The following DPYD variants were observed in gnomAD, a reference collection of about 807,000 sequenced individuals.
The protein encoded by DPYD is dihydropyrimidine dehydrogenase [NADP(+)].
A neutral mutation model predicts 116.2 loss-of-function variants in DPYD; 109 were observed. The ratio of observed to expected loss-of-function variants is 0.94; its 90% CI spans 0.80 to 1.10. The LOEUF is 1.10. Among genes scored for constraint, DPYD ranks in the 50% least tolerant of loss-of-function variants. DPYD has a pLI of 0.00. For synonymous variants in DPYD, 440 were observed against 432.0 expected (o/e 1.02, Z -0.23); for missense variants, 1,302 against 1,254.5 (o/e 1.04, Z -0.57).
At chr1:97,255,338 G>T (rs1454650630) in intron 18 of DPYD, among the ~76,000 whole-genome samples, 1 of 152,148 alleles carries the variant, frequency 6.6e-6, no homozygotes, top group Non-Finnish European at 1.5e-5. Flanking sequence ...GGGTGATATG[G>T]TTTAGCTGTG....
At position 97,078,830 on chromosome 1, in the gene DPYD, C is replaced by A; in HGVS notation, c.*146G>T. On this transcript the variant is annotated 3_prime_UTR_variant, in exon 23 of 23. Coordinates refer to ENST00000370192, the MANE Select transcript of DPYD (RefSeq NM_000110.4). ...TGACATGAGACATTTTTTACACTTA[C>A]AAATGTATTTTGAAATTACATATTT... The A allele has an allele frequency of 3.1e-6, 3 of 953,850 alleles. No homozygotes were observed. The highest frequency in any genetic ancestry group is 4.8e-6 in the Non-Finnish European group (3 of 623,466). The allele number at this position is 953,850 out of a possible 1,614,324, so 59.1% of individuals were successfully genotyped here.
At chr1:97,621,187 G>C (rs1017573999) in intron 8 of DPYD, among the ~76,000 whole-genome samples, 2 of 152,058 alleles carry the variant, frequency 1.3e-5, no homozygotes, top group African/African-American at 4.8e-5. Context: ...ACAGAAACAT[G>C]CTAAGTATCT....
At chr1:97,817,520 G>C (rs1668690057) in intron 3 of DPYD, among the ~76,000 whole-genome samples, 1 of 151,824 alleles carries the variant, frequency 6.6e-6, no homozygotes, top group Non-Finnish European at 1.5e-5. Flanking sequence ...AAAAAACATA[G>C]GGCCAGCTAT....
intron 5 of DPYD, among the ~76,000 whole-genome samples, chr1:97,718,849 A>C (rs1662763227): frequency 6.6e-6 from 1 of 151,880 alleles, no homozygotes; most frequent in African/African-American, 2.4e-5. Flanking sequence ...AAATTCCAAT[A>C]AATACACAAA....
chr1:97,546,588 TC>T (rs777770052), intron 12 of DPYD: 38 of 1,607,612 alleles, frequency 2.4e-5, no homozygotes, highest in Non-Finnish European at 3.1e-5. Context: ...AAATAACACA[TC>T]CTGTGTATAG....
In DPYD at chr1:97,206,687, T is replaced by TATATATATATATATATAA. The variant is rs539927395; in HGVS notation, c.2443-13440_2443-13439insTTATATATATATATATAT. Among the ~76,000 whole-genome samples the TATATATATATATATATAA allele has an allele frequency of 8.4e-5, 6 of 71,582 alleles. 1 individual carries two copies. Among genetic ancestry groups the TATATATATATATATATAA allele is most frequent in the Admixed American group, 1.8e-4 (1 of 5,608 alleles). 47.0% of individuals were successfully genotyped at this position (71,582 alleles called of 152,430 possible). A position where few individuals can be genotyped will look rare whatever the true frequency, so the allele number is the denominator to read the frequency against. ...ATATATATATATATATATATATATA[T>TATATATATATATATATAA]AATCTATATGCTTATAATGCATATG... On this transcript the variant is annotated intron_variant, in intron 19 of 22. Coordinates refer to ENST00000370192, the MANE Select transcript of DPYD (RefSeq NM_000110.4).
chr1:97,813,484 A>T (rs1668428827), intron 3 of DPYD, among the ~76,000 whole-genome samples: 1 of 152,170 alleles, frequency 6.6e-6, no homozygotes, highest in Admixed American at 6.6e-5. Context: ...AAGAAAAAAA[A>T]GAATTACTCT....
chr1:97,461,936 T>C (rs1677055329), intron 13 of DPYD, among the ~76,000 whole-genome samples: 1 of 152,236 alleles, frequency 6.6e-6, no homozygotes. Flanking sequence ...CCAGTCTGTT[T>C]TGAGGAACTG....
At chr1:97,514,678 TA>T (rs573821608) in intron 13 of DPYD, among the ~76,000 whole-genome samples, 78 of 151,964 alleles carry the variant, frequency 5.1e-4, no homozygotes, top group African/African-American at 1.9e-3. Context: ...TCTTTAAATA[TA>T]AAAAATCTTT....
chr1:97,155,435 G>A (rs1280222363), intron 20 of DPYD, among the ~76,000 whole-genome samples: 2 of 151,898 alleles, frequency 1.3e-5, no homozygotes, highest in Non-Finnish European at 2.9e-5. Flanking sequence ...ATTTTCACTC[G>A]AGTCATTAAA....
chr1:97,706,627 T>C (rs1350685803), intron 5 of DPYD, among the ~76,000 whole-genome samples: 1 of 152,052 alleles, frequency 6.6e-6, no homozygotes, highest in African/African-American at 2.4e-5. Flanking sequence ...ATACAGCCTT[T>C]TCAGATTGGC....
At chr1:97,903,854 G>A (rs1053491439) in intron 1 of DPYD, among the ~76,000 whole-genome samples, 6 of 151,876 alleles carry the variant, frequency 4.0e-5, no homozygotes, top group Admixed American at 2.6e-4. Context: ...AAAATCTGAC[G>A]GCTGAATAAA....
intron 8 of DPYD, among the ~76,000 whole-genome samples, chr1:97,612,643 A>T (rs1310172165): frequency 2.0e-5 from 3 of 152,130 alleles, no homozygotes; most frequent in Admixed American, 2.0e-4. Context: ...GTTATAAGAC[A>T]TATATCATTT....
intron 3 of DPYD, among the ~76,000 whole-genome samples, chr1:97,769,928 C>CA (rs1666056020): frequency 2.0e-5 from 3 of 152,122 alleles, no homozygotes; most frequent in African/African-American, 7.2e-5. Context: ...GTGAAATAAA[C>CA]AAAAAACTTG....
intron 18 of DPYD, among the ~76,000 whole-genome samples, chr1:97,271,118 T>A (rs1664557302): frequency 1.3e-5 from 2 of 152,168 alleles, no homozygotes; most frequent in African/African-American, 4.8e-5. Context: ...AAGCTGGGAT[T>A]TCCCCAGACA....
chr1:97,087,360 T>C (rs1180576661), intron 21 of DPYD, among the ~76,000 whole-genome samples: 1 of 152,184 alleles, frequency 6.6e-6, no homozygotes, highest in Non-Finnish European at 1.5e-5. Flanking sequence ...GAAAAGGACA[T>C]CTTAAGTTTA....
chr1:97,605,142 G>T (rs1260710395), intron 8 of DPYD, among the ~76,000 whole-genome samples: 3 of 152,070 alleles, frequency 2.0e-5, no homozygotes, highest in Non-Finnish European at 2.9e-5. Context: ...GTTCATAAAA[G>T]AAAGAATATC....
At chr1:97,292,383 G>A (rs1380641989) in intron 18 of DPYD, among the ~76,000 whole-genome samples, 4 of 152,098 alleles carry the variant, frequency 2.6e-5, no homozygotes, top group Admixed American at 6.5e-5. Context: ...CCTTCTTCAC[G>A]TGTTGGCAGC....
Position 97,407,807 on chromosome 1 carries a change from C to T in DPYD, c.1906-25346G>A, listed in dbSNP as rs373161010. ...AAAGTTTTCCTTCCTGTTCCCACAA[C>T]ATTATGTTCAGCTGGTCTAGAGGCC... is the stretch of plus-strand genomic sequence containing the variant. On this transcript the variant is annotated intron_variant, in intron 14 of 22. Coordinates refer to ENST00000370192, the MANE Select transcript of DPYD (RefSeq NM_000110.4). Among the ~76,000 whole-genome samples, 27 of 152,242 alleles carry T rather than the reference C, an allele frequency of 1.8e-4. No individual in the cohort carries two copies. In the East Asian group the frequency reaches 2.3e-3, roughly 13 times the overall value.
Sources: allele counts gnomAD v4.1 joint callset (sites outside exome capture counted in the v4.1 genomes callset), GRCh38; gene constraint gnomAD v4.1.1; transcripts MANE v1.5; gene names NCBI Gene and HGNC (gene_info 2026-07-23, HGNC 2026-07-21).